The following TBL1X variants were observed in gnomAD, a reference collection of about 807,000 sequenced individuals.
The protein encoded by TBL1X is F-box-like/WD repeat-containing protein TBL1X.
A neutral mutation model predicts 50.7 loss-of-function variants in TBL1X; 10 were observed. The observed-to-expected ratio is 0.20, with a 90% CI of 0.12 to 0.33. The LOEUF is 0.33. Among genes scored for constraint, TBL1X ranks in the 10% least tolerant of loss-of-function variants. TBL1X has a pLI of 1.00. For missense variants in TBL1X, 340 were observed against 504.4 expected, an observed-to-expected ratio of 0.67 and a Z score of 3.12; for synonymous variants, 190 against 214.7, an observed-to-expected ratio of 0.88 and a Z score of 1.01.
At chrX:9,501,099 G>C (rs1033855491) in intron 1 of TBL1X, among the ~76,000 whole-genome samples, 2 of 111,787 alleles carry the variant, frequency 1.8e-5, no homozygotes, top group African/African-American at 6.5e-5. Context: ...GGACAGTTTA[G>C]CTGGACAGTA....
chrX:9,476,091 C>A (rs767022988), intron 1 of TBL1X, among the ~76,000 whole-genome samples: 1 of 111,836 alleles, frequency 8.9e-6, no homozygotes, highest in Admixed American at 9.5e-5. Context: ...CCTGTTGCTT[C>A]TCTTTATGGT....
chrX:9,712,447 C>T (rs932658822), intron 16 of TBL1X, among the ~76,000 whole-genome samples: 1 of 112,544 alleles, frequency 8.9e-6, no homozygotes, highest in African/African-American at 3.2e-5. Context: ...AAGCAAGTCT[C>T]CTGCCTCAGC....
chrX:9,672,690 T>A (rs2082967159), intron 5 of TBL1X, among the ~76,000 whole-genome samples: 1 of 111,380 alleles, frequency 9.0e-6, no homozygotes, highest in Non-Finnish European at 1.9e-5. Flanking sequence ...TCACGGTGTG[T>A]ATCCCCAACT....
intron 2 of TBL1X, among the ~76,000 whole-genome samples, chrX:9,631,886 G>C (rs1477269799): frequency 8.9e-6 from 1 of 112,466 alleles, no homozygotes. Context: ...TTGTAATGCA[G>C]GTCTACAAGA....
intron 1 of TBL1X, among the ~76,000 whole-genome samples, chrX:9,476,256 G>A (rs2081848939): frequency 8.9e-6 from 1 of 111,918 alleles, no homozygotes; most frequent in Non-Finnish European, 1.9e-5. Flanking sequence ...CAGATGCAGA[G>A]TATATTTGGG....
In TBL1X at chrX:9,674,351, C is replaced by A. The variant is rs1027273008; in HGVS notation, c.212-9692C>A. Among the ~76,000 whole-genome samples the A allele has an allele frequency of 5.4e-5, 6 of 110,527 alleles. 1 individual carries two copies. The Admixed American group carries it at 5.8e-4, about 11-fold the overall frequency. On this transcript the variant is annotated intron_variant, in intron 5 of 17. Transcript: ENST00000645353. Reference sequence around the variant, plus strand: ...CTTGCCTCACTGCAGCCTCAGCCTCCTGGGCTCAAGCAGTCCTCCCACCTC... The same window carrying A: ...CTTGCCTCACTGCAGCCTCAGCCTCATGGGCTCAAGCAGTCCTCCCACCTC...
At chrX:9,565,299 A>G (rs764716335) in intron 2 of TBL1X, among the ~76,000 whole-genome samples, 1 of 107,510 alleles carries the variant, frequency 9.3e-6, no homozygotes, top group South Asian at 4.1e-4. Context: ...AAAAATCATA[A>G]TCATACTATA....
intron 5 of TBL1X, among the ~76,000 whole-genome samples, chrX:9,663,675 C>T (rs894312739): frequency 2.8e-5 from 3 of 107,804 alleles, no homozygotes; most frequent in Admixed American, 1.0e-4. Context: ...GCAGGAGAAA[C>T]GCTGGAACCC....
intron 2 of TBL1X, among the ~76,000 whole-genome samples, chrX:9,551,113 C>T (rs997664528): frequency 9.0e-6 from 1 of 111,511 alleles, no homozygotes; most frequent in Admixed American, 9.5e-5. Context: ...TGTACATACA[C>T]ATGTAGATGA....
chrX:9,674,328 T>C (rs1326212700), intron 5 of TBL1X, among the ~76,000 whole-genome samples: 2 of 110,544 alleles, frequency 1.8e-5, no homozygotes, highest in Non-Finnish European at 3.8e-5. Flanking sequence ...GGCATGATCT[T>C]GCCTCACTGC....
At chrX:9,693,271 T>C in intron 10 of TBL1X, 51 bp from the exon 11 acceptor site, 1 of 1,209,405 alleles carries the variant, frequency 8.3e-7, no homozygotes, top group Admixed American at 2.2e-5. Context: ...ACTTAACCCT[T>C]GAGTGAACAG....
intron 1 of TBL1X, among the ~76,000 whole-genome samples, chrX:9,472,769 C>G (rs1221238053): frequency 9.1e-6 from 1 of 110,144 alleles, no homozygotes; most frequent in Non-Finnish European, 1.9e-5. Flanking sequence ...AAAAATTAGC[C>G]AGGCATGGTG....
In TBL1X at chrX:9,692,109, G is replaced by T. The variant is rs7057012; in HGVS notation, c.750-4G>T. 17,694 of 1,209,579 alleles carry T rather than the reference G, an allele frequency of 0.015. 1,618 individuals carry two copies. The African/African-American group carries it at 0.27, about 18-fold the overall frequency. The stretch of plus-strand genomic sequence containing the variant: ...CCAGAGGCTCCTGTGTTTTTATTCT[G>T]TAGATCTGGAGACTCAACTGCAAGG... On this transcript the variant is annotated splice_region_variant and splice_polypyrimidine_tract_variant and intron_variant, in intron 8 of 17. Transcript: ENST00000645353.
intron 5 of TBL1X, among the ~76,000 whole-genome samples, chrX:9,677,108 G>A (rs1256547393): frequency 9.1e-6 from 1 of 110,472 alleles, no homozygotes; most frequent in Non-Finnish European, 1.9e-5. Context: ...CTCATCCTTG[G>A]CCTCTCTCGC....
chrX:9,504,638 AG>A (rs1318977284), intron 2 of TBL1X, among the ~76,000 whole-genome samples: 2 of 112,705 alleles, frequency 1.8e-5, no homozygotes, highest in Non-Finnish European at 3.7e-5. Flanking sequence ...ACACAGCACG[AG>A]AACTTTGTGA....
chrX:9,568,675 CTGTG>C (rs1222626220), intron 2 of TBL1X, among the ~76,000 whole-genome samples: 2 of 100,547 alleles, frequency 2.0e-5, no homozygotes, highest in Non-Finnish European at 4.0e-5. Context: ...GTGCAGTGTG[CTGTG>C]TGTGTGTCTG....
At chrX:9,638,566 C>T (rs906100444) in intron 2 of TBL1X, among the ~76,000 whole-genome samples, 1 of 112,139 alleles carries the variant, frequency 8.9e-6, no homozygotes, top group Non-Finnish European at 1.9e-5. Flanking sequence ...AATTTAACAA[C>T]ATATATAAGA....
At chrX:9,479,922 G>A (rs1464641441) in intron 1 of TBL1X, among the ~76,000 whole-genome samples, 2 of 109,799 alleles carry the variant, frequency 1.8e-5, no homozygotes, top group African/African-American at 3.3e-5. Flanking sequence ...CATGCAAGGC[G>A]TAGAAGGAAA....
At position 9,619,944 on chromosome X, in the gene TBL1X, G is replaced by A. The variant is rs1374697292; in HGVS notation, c.-130-20329G>A. Among the ~76,000 whole-genome samples, 4 of 112,380 alleles carry A rather than the reference G, an allele frequency of 3.6e-5. No individual in the cohort carries two copies. In the East Asian group the frequency reaches 1.1e-3, roughly 31 times the overall value. The stretch of plus-strand genomic sequence containing the variant: ...GCAGACGCCTTTACAAGAACTAGTT[G>A]CCATTTATCTTTTTATTGTTAGACC... On this transcript the variant is annotated intron_variant, in intron 2 of 17. Transcript: ENST00000645353.
Sources: gnomAD v4.1 joint callset for allele counts (sites outside exome capture counted in the v4.1 genomes callset) on GRCh38, gnomAD v4.1.1 for gene constraint, MANE v1.5 for transcripts, NCBI Gene and HGNC (gene_info 2026-07-23, HGNC 2026-07-21) for gene names.